The following PAH variants were observed in gnomAD, a reference collection of about 807,000 sequenced individuals.
PAH encodes phenylalanine-4-hydroxylase.
In PAH, 64 loss-of-function variants were observed where a neutral mutation model predicts 62.0. The ratio of observed to expected loss-of-function variants is 1.03; its 90% CI spans 0.84 to 1.27. The LOEUF is 1.27. PAH is among the 50% of genes most tolerant of loss of function. The probability of loss-of-function intolerance (pLI) is 0.00; values close to 1 mark genes in which losing one functional copy is unlikely to be tolerated. For synonymous variants in PAH, 195 were observed against 196.2 expected, an observed-to-expected ratio of 0.99 and a Z score of 0.05; for missense variants, 579 against 542.8, an observed-to-expected ratio of 1.07 and a Z score of -0.66.
intron 1 of PAH, 28 bp downstream of exon 1, chr12:102,917,043 C>T (rs1878409390): frequency 1.2e-6 from 2 of 1,611,818 alleles, no homozygotes; most frequent in Non-Finnish European, 1.7e-6. Context: ...ATTCCCCTAA[C>T]TGAGCAGCTC....
chr12:102,940,102 A>G (rs914233450), intron 1 of PAH, among the ~76,000 whole-genome samples: 2 of 152,246 alleles, frequency 1.3e-5, no homozygotes, highest in African/African-American at 4.8e-5. Flanking sequence ...CTGTGAAACC[A>G]TGAGCAAGAA....
chr12:102,840,398 A>T lies in PAH; in HGVS notation c.1315+2T>A. ...TGGCCTCGTAAGGTGTAAATTACTT[A>T]CTGTTAATGGAATCAGCCAAAATCT... On this transcript the variant is annotated splice_donor_variant, in intron 12 of 12. Transcript: ENST00000553106. LOFTEE classifies it high-confidence loss of function. The T allele has an allele frequency of 6.3e-7, 1 of 1,589,234 alleles. No individual in the cohort carries two copies. Among genetic ancestry groups the T allele is most frequent in the Non-Finnish European group, 8.6e-7 (1 of 1,157,496 alleles).
At chr12:102,929,606 G>A (rs1878789283) in intron 1 of PAH, among the ~76,000 whole-genome samples, 1 of 152,116 alleles carries the variant, frequency 6.6e-6, no homozygotes, top group Non-Finnish European at 1.5e-5. Context: ...TCCATTAGAT[G>A]TGCGTTTTGA....
At chr12:102,949,548 T>A (rs1190974816) in intron 1 of PAH, among the ~76,000 whole-genome samples, 1 of 152,164 alleles carries the variant, frequency 6.6e-6, no homozygotes, top group Non-Finnish European at 1.5e-5. Context: ...GTTTCAGGAT[T>A]TTCTGGGATC....
chr12:102,920,616 C>T (rs1878527368), upstream of PAH, among the ~76,000 whole-genome samples: 1 of 152,130 alleles, frequency 6.6e-6, no homozygotes, highest in South Asian at 2.1e-4. Context: ...TATTCATTCT[C>T]TTTTATCATA....
rs191112344 is a variant in PAH at position 102,853,183 on chromosome 12, T to G, written c.707-233A>C. 237 of 557,548 alleles carry G rather than the reference T, an allele frequency of 4.3e-4. No individual in the cohort carries two copies. In the East Asian group the frequency reaches 6.8e-3, roughly 16 times the overall value. 34.5% of individuals were successfully genotyped at this position (557,548 alleles called of 1,614,324 possible). ...TCATCTGCATAATGTGGATAGATAC[T>G]TCTTAGAAATGTTCCAAGAATAAAA... On this transcript the variant is annotated intron_variant, in intron 6 of 12. Coordinates refer to ENST00000553106, the MANE Select transcript of PAH (RefSeq NM_000277.3).
intron 11 of PAH, among the ~76,000 whole-genome samples, 165 bp downstream of exon 11, chr12:102,843,481 C>T (rs1398596878): frequency 2.0e-5 from 3 of 152,000 alleles, no homozygotes; most frequent in Admixed American, 2.0e-4. Context: ...AACCTTCCAA[C>T]AGAGAACGGA....
chr12:102,904,820 G>A, intron 2 of PAH: 1 of 446,234 alleles, frequency 2.2e-6, no homozygotes, highest in Non-Finnish European at 4.5e-6. Flanking sequence ...AGTAGACTAT[G>A]CACACCACAG....
intron 9 of PAH, 63 bp downstream of exon 9, chr12:102,846,832 C>T: frequency 7.0e-7 from 1 of 1,429,578 alleles, no homozygotes; most frequent in Non-Finnish European, 9.9e-7. Context: ...AGGAAAGTTT[C>T]AAAGACCTGA....
At chr12:102,949,426 G>T (rs1268041789) in intron 1 of PAH, among the ~76,000 whole-genome samples, 1 of 152,144 alleles carries the variant, frequency 6.6e-6, no homozygotes, top group Non-Finnish European at 1.5e-5. Context: ...TGTGGTCCAC[G>T]CCTGTATTCT....
At chr12:102,937,446 C>A (rs1188964667) in intron 1 of PAH, among the ~76,000 whole-genome samples, 1 of 151,888 alleles carries the variant, frequency 6.6e-6, no homozygotes, top group Non-Finnish European at 1.5e-5. Flanking sequence ...TTGAGGGTAC[C>A]AATGAGGCTT....
chr12:102,903,864 T>G (rs756575807), intron 2 of PAH, among the ~76,000 whole-genome samples: 20 of 152,064 alleles, frequency 1.3e-4, no homozygotes, highest in Non-Finnish European at 2.1e-4. Context: ...GAATATGTGG[T>G]AAGGTGAACA....
At chr12:102,906,502 A>G (rs561562203) in intron 2 of PAH, among the ~76,000 whole-genome samples, 6 of 152,334 alleles carry the variant, frequency 3.9e-5, no homozygotes, top group African/African-American at 1.4e-4. Flanking sequence ...CACAGATATT[A>G]AGAACTATAC....
intron 1 of PAH, among the ~76,000 whole-genome samples, chr12:102,939,781 G>A (rs1879226592): frequency 6.6e-6 from 1 of 152,088 alleles, no homozygotes; most frequent in Non-Finnish European, 1.5e-5. Flanking sequence ...CAAGCGACAG[G>A]CCTTATGCCA....
chr12:102,897,632 A>C (rs75986036), intron 2 of PAH, among the ~76,000 whole-genome samples: 23,175 of 152,036 alleles, frequency 0.15, 1,934 homozygotes, highest in African/African-American at 0.21. Context: ...GTGATGCATT[A>C]TCAGAAAAAA....
chr12:102,873,834 C>T lies in PAH; in HGVS notation c.441+3628G>A, dbSNP rs564211651. ...CTGGGTTTCATTTTTGCAGGATTTTCCAAAGTTTCTAATGAGATAATGGAA... is the reference window on the plus strand; with the variant it reads ...CTGGGTTTCATTTTTGCAGGATTTTTCAAAGTTTCTAATGAGATAATGGAA... On this transcript the variant is annotated intron_variant, in intron 4 of 12. Coordinates refer to ENST00000553106, the MANE Select transcript of PAH (RefSeq NM_000277.3). 2.0e-5 allele frequency among the ~76,000 whole-genome samples: 3 copies of T among 152,228 alleles called. No individual in the cohort carries two copies. The South Asian group carries it at 6.2e-4, about 32-fold the overall frequency.
intron 7 of PAH, 124 bp from the exon 8 acceptor site, chr12:102,851,880 T>A (rs2136645117): frequency 1.4e-6 from 1 of 738,230 alleles, no homozygotes; most frequent in South Asian, 1.5e-5. Flanking sequence ...ATGATCCCTC[T>A]CCCAGGAATA....
intron 5 of PAH, among the ~76,000 whole-genome samples, chr12:102,859,739 T>C (rs888208415): frequency 6.6e-6 from 1 of 152,214 alleles, no homozygotes; most frequent in African/African-American, 2.4e-5. Flanking sequence ...ATTATCTCAA[T>C]AGATGCAGAG....
At chr12:102,869,978 G>A (rs760342375) in intron 4 of PAH, among the ~76,000 whole-genome samples, 41 of 152,170 alleles carry the variant, frequency 2.7e-4, no homozygotes, top group Non-Finnish European at 4.9e-4. Context: ...AATTTTAGTT[G>A]CACTGCATGT....
Sources: allele counts gnomAD v4.1 joint callset (sites outside exome capture counted in the v4.1 genomes callset), GRCh38; gene constraint gnomAD v4.1.1; transcripts MANE v1.5; gene names NCBI Gene and HGNC (gene_info 2026-07-23, HGNC 2026-07-21).